Variants in ZMYND8 observed in about 807,000 individuals in gnomAD.
ZMYND8 encodes MYND-type zinc finger-containing chromatin reader ZMYND8.
ZMYND8 carries 37 observed loss-of-function variants against 140.8 expected under a neutral mutation model. That is an observed-to-expected ratio of 0.26 (90% CI 0.20 to 0.35). The LOEUF is 0.35. ZMYND8 is among the 10% of genes least tolerant of loss of function. ZMYND8 has a pLI of 1.00. For missense variants in ZMYND8, 1,068 were observed against 1,570.0 expected, an observed-to-expected ratio of 0.68 and a Z score of 5.40; for synonymous variants, 592 against 597.1, an observed-to-expected ratio of 0.99 and a Z score of 0.12.
chr20:47,322,239 T>C (rs779016504), intron 2 of ZMYND8, among the ~76,000 whole-genome samples: 1 of 151,920 alleles, frequency 6.6e-6, no homozygotes, highest in South Asian at 2.1e-4. Context: ...TACAGAATGA[T>C]TGAGAAACTG....
At chr20:47,324,129 G>C (rs1198064022) in intron 2 of ZMYND8, among the ~76,000 whole-genome samples, 2 of 150,672 alleles carry the variant, frequency 1.3e-5, no homozygotes, top group Non-Finnish European at 2.9e-5. Flanking sequence ...TTGAACCCGG[G>C]AGGCGGAGGT....
intron 3 of ZMYND8, among the ~76,000 whole-genome samples, chr20:47,304,914 A>C (rs1203637517): frequency 2.0e-5 from 3 of 152,130 alleles, no homozygotes; most frequent in Non-Finnish European, 1.5e-5. Context: ...CCCCTGAACT[A>C]TCTCAACTGT....
chr20:47,219,717 C>T (rs1307763477), intron 21 of ZMYND8, among the ~76,000 whole-genome samples: 1 of 152,002 alleles, frequency 6.6e-6, no homozygotes, highest in African/African-American at 2.4e-5. Context: ...GCTCAAACCC[C>T]ACAGAAGAAA....
chr20:47,270,816 G>A (rs1332603508), intron 11 of ZMYND8, among the ~76,000 whole-genome samples: 6 of 151,440 alleles, frequency 4.0e-5, no homozygotes, highest in Admixed American at 6.6e-5. Context: ...AGTGTCTCAC[G>A]CCTGTAATCC....
intron 16 of ZMYND8, among the ~76,000 whole-genome samples, chr20:47,234,098 G>C (rs2038902784): frequency 6.6e-6 from 1 of 152,236 alleles, no homozygotes; most frequent in Non-Finnish European, 1.5e-5. Flanking sequence ...GCCCAGGCTG[G>C]AGTGCAGTGG....
intron 3 of ZMYND8, among the ~76,000 whole-genome samples, chr20:47,303,497 C>G (rs1384987423): frequency 6.6e-6 from 1 of 152,148 alleles, no homozygotes; most frequent in Non-Finnish European, 1.5e-5. Flanking sequence ...GCAGGTGGAT[C>G]ACCTCAGGTC....
chr20:47,227,115 T>G (rs769985481), intron 18 of ZMYND8, 88 bp downstream of exon 18: 1 of 1,342,274 alleles, frequency 7.5e-7, no homozygotes, highest in Non-Finnish European at 1.1e-6. Context: ...TAGCTTTAAT[T>G]GCACTCACAT....
chr20:47,266,638 G>T (rs2075548351), intron 11 of ZMYND8, among the ~76,000 whole-genome samples: 1 of 152,038 alleles, frequency 6.6e-6, no homozygotes, highest in South Asian at 2.1e-4. Context: ...TCTTCAGGAA[G>T]AACTCTGCAC....
At chr20:47,275,703 G>A (rs2076215311) in intron 11 of ZMYND8, among the ~76,000 whole-genome samples, 7 of 152,002 alleles carry the variant, frequency 4.6e-5, no homozygotes, top group Admixed American at 6.6e-5. Flanking sequence ...CCCAGGCTCC[G>A]GCAATCCTCC....
intron 10 of ZMYND8, among the ~76,000 whole-genome samples, chr20:47,279,754 C>T (rs1021936413): frequency 2.9e-5 from 4 of 137,762 alleles, no homozygotes; most frequent in Non-Finnish European, 6.4e-5. Context: ...TGGTTGGTGT[C>T]CGCTTTTTTT....
At chr20:47,321,255 C>T (rs375416698) in intron 2 of ZMYND8, among the ~76,000 whole-genome samples, 37 of 152,196 alleles carry the variant, frequency 2.4e-4, no homozygotes, top group African/African-American at 6.5e-4. Flanking sequence ...GCTCAGTACA[C>T]GCCCCCATCA....
chr20:47,270,540 T>C (rs1258790665), intron 11 of ZMYND8, among the ~76,000 whole-genome samples: 1 of 151,544 alleles, frequency 6.6e-6, no homozygotes, highest in Non-Finnish European at 1.5e-5. Flanking sequence ...ATGTAGCTTT[T>C]ATTTAGTTAA....
chr20:47,312,820 C>T (rs185151229), intron 2 of ZMYND8, among the ~76,000 whole-genome samples: 1 of 151,510 alleles, frequency 6.6e-6, no homozygotes, highest in African/African-American at 2.4e-5. Context: ...GAGAGAGGTG[C>T]AGCCCGGGGT....
chr20:47,334,652 C>T (rs1413580633), intron 2 of ZMYND8, among the ~76,000 whole-genome samples: 2 of 151,182 alleles, frequency 1.3e-5, no homozygotes, highest in Non-Finnish European at 2.9e-5. Context: ...CTCTGTCACC[C>T]GGGCTGGAGT....
At chr20:47,219,492 C>T (rs950701990) in intron 21 of ZMYND8, among the ~76,000 whole-genome samples, 20 of 150,612 alleles carry the variant, frequency 1.3e-4, no homozygotes, top group Non-Finnish European at 2.4e-4. Context: ...CACTACTGCA[C>T]TCCAGCCTGG....
In ZMYND8 at chr20:47,287,282, T is replaced by G; in HGVS notation, c.751A>C (p.Asn251His). Residue 251 changes from asparagine to histidine, a missense_variant and splice_region_variant, in exon 8 of 23, where the codon AAT (asparagine) becomes CAT (histidine). Asn to His is a moderately conservative substitution (Grantham distance 68). Around this residue, in one of 10 missense-constraint regions of ZMYND8, gnomAD observed 109 missense variants for 314.9 expected, o/e 0.35. Transcript: ENST00000471951. ...TTCGCTATTTGCGTCAATTTGTGAT[T>G]TCCTAAGGGAATAAGAAAACAGGAT... ...LHNCIIYNGG[N>H]HKLTQIAKVV... The G allele has an allele frequency of 1.9e-6, 3 of 1,613,190 alleles. No homozygotes were observed. The highest frequency in any genetic ancestry group is 2.5e-6 in the Non-Finnish European group (3 of 1,179,132).
chr20:47,313,892 G>A (rs191700561), intron 2 of ZMYND8, among the ~76,000 whole-genome samples: 120 of 150,512 alleles, frequency 8.0e-4, no homozygotes, highest in Non-Finnish European at 1.2e-3. Context: ...GAGATCGCAC[G>A]ACTGCACTCC....
rs115899536 is a variant in ZMYND8 at position 47,321,367 on chromosome 20, T to G, written c.86-11163A>C. Among the ~76,000 whole-genome samples, 690 of 152,262 alleles carry G rather than the reference T, an allele frequency of 4.5e-3. 5 individuals are homozygous for G. The highest frequency in any genetic ancestry group is 0.016 in the African/African-American group (660 of 41,544). On this transcript the variant is annotated intron_variant, in intron 2 of 22. Transcript: ENST00000471951. ...CAATGTCTGGGGACATTTTTGGTTG[T>G]CACAACTGGGCAGGAAAAGGAGTTG...
At chr20:47,228,986 A>G (rs530679235) in intron 17 of ZMYND8, among the ~76,000 whole-genome samples, 70 of 150,468 alleles carry the variant, frequency 4.7e-4, no homozygotes, top group Non-Finnish European at 7.7e-4. Context: ...TTATAAGTAG[A>G]TAGCTTAATT....
Sources: allele counts gnomAD v4.1 joint callset (sites outside exome capture counted in the v4.1 genomes callset), GRCh38; gene constraint gnomAD v4.1.1; regional missense constraint gnomAD v4.1.1; transcripts MANE v1.5; gene names NCBI Gene and HGNC (gene_info 2026-07-23, HGNC 2026-07-21).